GPHN: variants seen among roughly 807,000 people sequenced by gnomAD.
GPHN encodes the protein gephyrin.
In GPHN, 17 loss-of-function variants were observed where a neutral mutation model predicts 95.5. The observed-to-expected ratio is 0.18, with a 90% CI of 0.12 to 0.27. GPHN has a LOEUF of 0.27. GPHN is among the 10% of genes least tolerant of loss of function. GPHN has a pLI of 1.00. For missense variants in GPHN, 660 were observed against 978.1 expected, an observed-to-expected ratio of 0.67 and a Z score of 4.34; for synonymous variants, 320 against 322.5, an observed-to-expected ratio of 0.99 and a Z score of 0.08.
chr14:66,888,052 C>T (rs746135053), intron 5 of GPHN, among the ~76,000 whole-genome samples: 94 of 152,046 alleles, frequency 6.2e-4, no homozygotes, highest in Non-Finnish European at 1.2e-3. Flanking sequence ...ACCTCCAAAA[C>T]TGAAAAGCAA....
At chr14:66,937,635 C>G (rs1051447812) in intron 8 of GPHN, among the ~76,000 whole-genome samples, 11 of 152,110 alleles carry the variant, frequency 7.2e-5, no homozygotes, top group African/African-American at 2.4e-4. Context: ...GCTTCGGCCT[C>G]CCAAAGTGCT....
At chr14:67,161,752 C>CA (rs60217233) in intron 19 of GPHN, among the ~76,000 whole-genome samples, 54 of 143,878 alleles carry the variant, frequency 3.8e-4, no homozygotes, top group East Asian at 1.2e-3. Flanking sequence ...GACCCTGCCT[C>CA]AAAAAAAAAA....
the GPHN span, among the ~76,000 whole-genome samples, chr14:67,242,991 A>T: frequency 2.6e-5 from 4 of 152,230 alleles, no homozygotes; most frequent in African/African-American, 9.6e-5. Flanking sequence ...TAAAAATCTC[A>T]TCACAGGGGC....
intron 4 of GPHN, among the ~76,000 whole-genome samples, chr14:66,860,960 G>A (rs961618624): frequency 4.0e-5 from 6 of 151,866 alleles, no homozygotes; most frequent in African/African-American, 1.4e-4. Flanking sequence ...AATACGGGAA[G>A]GAAGAAAAGA....
intron 1 of GPHN, among the ~76,000 whole-genome samples, chr14:66,619,952 GGCCAGGTTAGGAGAT>G (rs1235872324): frequency 6.6e-6 from 1 of 152,086 alleles, no homozygotes; most frequent in Admixed American, 6.6e-5. Context: ...GACCCTTACG[GGCCAGGTTAGGAGAT>G]GTAAGGAGAT....
chr14:66,790,410 A>G (rs1291281112), intron 3 of GPHN, among the ~76,000 whole-genome samples: 3 of 152,254 alleles, frequency 2.0e-5, no homozygotes, highest in African/African-American at 7.2e-5. Flanking sequence ...CTGCTAAGCT[A>G]CAGCACTGGG....
chr14:67,566,542 C>T, the GPHN span, among the ~76,000 whole-genome samples: 1 of 151,434 alleles, frequency 6.6e-6, no homozygotes, highest in Non-Finnish European at 1.5e-5. Context: ...CTCAGAAGTT[C>T]AAGACCAACC....
At chr14:66,983,561 C>A (rs1241698892) in intron 9 of GPHN, among the ~76,000 whole-genome samples, 1 of 152,116 alleles carries the variant, frequency 6.6e-6, no homozygotes. Context: ...TTGAAAAACA[C>A]CTTGGCTTTC....
the GPHN span, chr14:67,562,076 T>G: frequency 6.2e-7 from 1 of 1,607,528 alleles, no homozygotes; most frequent in Non-Finnish European, 8.5e-7. Context: ...TACGTGTGTT[T>G]GGTGGGTATG....
the GPHN span, among the ~76,000 whole-genome samples, chr14:67,497,926 C>T: frequency 6.6e-6 from 1 of 152,062 alleles, no homozygotes; most frequent in Non-Finnish European, 1.5e-5. Context: ...CAAGCAACCA[C>T]ATATTAGAAT....
the GPHN span, among the ~76,000 whole-genome samples, chr14:67,713,262 AAAC>A: frequency 3.4e-5 from 5 of 147,154 alleles, no homozygotes; most frequent in South Asian, 2.2e-4. Flanking sequence ...ACAAACAAAC[AAAC>A]AAAAAACAAA....
At chr14:66,783,547 T>C (rs1435151968) in intron 3 of GPHN, among the ~76,000 whole-genome samples, 3 of 152,096 alleles carry the variant, frequency 2.0e-5, no homozygotes, top group South Asian at 2.1e-4. Flanking sequence ...ATTTCACCTT[T>C]CCTTTCCCAC....
chr14:66,686,477 G>A (rs1457924410), intron 2 of GPHN, among the ~76,000 whole-genome samples: 2 of 152,168 alleles, frequency 1.3e-5, no homozygotes, highest in Non-Finnish European at 2.9e-5. Flanking sequence ...TCCCTTGTAA[G>A]TTGGATTCCT....
At position 66,901,281 on chromosome 14, in the gene GPHN, A is replaced by AT. The variant is rs113683690; in HGVS notation, c.390-14721dup. 3.1e-3 allele frequency among the ~76,000 whole-genome samples: 470 copies of AT among 151,950 alleles called. 11 individuals carry two copies. Among genetic ancestry groups the AT allele is most frequent in the African/African-American group, 0.011 (445 of 41,482 alleles). On this transcript the variant is annotated intron_variant, in intron 5 of 22. Coordinates refer to ENST00000478722, the MANE Select transcript of GPHN (RefSeq NM_020806.5). The stretch of plus-strand genomic sequence containing the variant: ...AGCTCCTTAGATAGTCTAGTTATTA[A>AT]TCCTTTGTCAGACAGGTAGTTTGAA...
In GPHN at chr14:66,923,047, A is replaced by G. The variant is rs928950886; in HGVS notation, c.729+109A>G. Reference sequence around the variant, plus strand: ...CCTACATTTAATACTTCTTCAGAGAACCCTAAAAAAATAAGTGGGATGTCC... The same window carrying G: ...CCTACATTTAATACTTCTTCAGAGAGCCCTAAAAAAATAAGTGGGATGTCC... On this transcript the variant is annotated intron_variant, in intron 7 of 22. Transcript: ENST00000478722. 7.6e-6 allele frequency: 7 copies of G among 924,470 alleles called. No individual in the cohort carries two copies. The Admixed American group carries it at 9.3e-5, about 12-fold the overall frequency. The allele number at this position is 924,470 out of a possible 1,614,324, so 57.3% of individuals were successfully genotyped here.
intron 2 of GPHN, among the ~76,000 whole-genome samples, chr14:66,698,972 G>A (rs2068308459): frequency 6.6e-6 from 1 of 152,170 alleles, no homozygotes; most frequent in South Asian, 2.1e-4. Context: ...TACAGAAAAA[G>A]TTTATTGACC....
chr14:67,245,011 T>A, the GPHN span, among the ~76,000 whole-genome samples: 2 of 152,152 alleles, frequency 1.3e-5, no homozygotes, highest in African/African-American at 2.4e-5. Flanking sequence ...GTTGCTGGCT[T>A]TGAAGATGGA....
At chr14:67,111,783 A>C in intron 14 of GPHN, 78 bp from the exon 15 acceptor site, 1 of 1,043,318 alleles carries the variant, frequency 9.6e-7, no homozygotes, top group Non-Finnish European at 1.5e-6. Context: ...GGCCTATCTG[A>C]TGGTAAAAGT....
At chr14:67,633,078 C>G in the GPHN span, among the ~76,000 whole-genome samples, 5 of 151,936 alleles carry the variant, frequency 3.3e-5, no homozygotes, top group African/African-American at 1.2e-4. Context: ...CCTCGGCCTC[C>G]GAAAGTGCTG....
Sources: allele counts gnomAD v4.1 joint callset (sites outside exome capture counted in the v4.1 genomes callset), GRCh38; gene constraint gnomAD v4.1.1; transcripts MANE v1.5; gene names NCBI Gene and HGNC (gene_info 2026-07-23, HGNC 2026-07-21).